The following NBEAL1 variants were observed in gnomAD, a reference collection of about 807,000 sequenced individuals.
NBEAL1 encodes neurobeachin-like protein 1.
In NBEAL1, 273 loss-of-function variants were observed where a neutral mutation model predicts 351.3. The ratio of observed to expected loss-of-function variants is 0.78; its 90% CI spans 0.70 to 0.86. The LOEUF (loss-of-function observed/expected upper bound fraction) is 0.86. Among genes scored for constraint, NBEAL1 ranks in the 40% least tolerant of loss-of-function variants. The pLI is 0.00. For missense variants in NBEAL1, 2,961 were observed against 3,201.3 expected, an observed-to-expected ratio of 0.92 and a Z score of 1.81; for synonymous variants, 1,050 against 1,086.4, an observed-to-expected ratio of 0.97 and a Z score of 0.66.
intron 2 of NBEAL1, chr2:203,040,892 T>C (rs1230590189): frequency 1.3e-5 from 5 of 389,920 alleles, no homozygotes; most frequent in Non-Finnish European, 2.4e-5. Flanking sequence ...ATCTGCCAGC[T>C]GAACAAGACC....
In NBEAL1 at chr2:203,193,809, A is replaced by G; in HGVS notation, c.6936A>G (p.Pro2312=). The change falls in exon 47 of 56, where the codon CCA becomes CCG. Residue 2312 remains proline (P), a synonymous_variant. Coordinates refer to ENST00000683969, the MANE Select transcript of NBEAL1 (RefSeq NM_001378026.1). ...TTATTTTGAAGGAACCACACCCTCC[A>G]AGATTATCAGCAGAAGAAGCAGTGC... The part of the protein sequence containing the change: ...PCQLLKEPHP[P]RLSAEEAVQK... The G allele has an allele frequency of 6.2e-7, 1 of 1,611,466 alleles. No individual in the cohort carries two copies. Among genetic ancestry groups the G allele is most frequent in the Non-Finnish European group, 8.5e-7 (1 of 1,178,590 alleles).
intron 44 of NBEAL1, among the ~76,000 whole-genome samples, chr2:203,184,795 T>C (rs79872980): frequency 6.6e-6 from 1 of 151,482 alleles, no homozygotes; most frequent in African/African-American, 2.4e-5. Context: ...GTGTGGGTGG[T>C]GTGTACCGGT....
At chr2:203,098,676 A>C (rs1383633804) in intron 11 of NBEAL1, among the ~76,000 whole-genome samples, 1 of 152,174 alleles carries the variant, frequency 6.6e-6, no homozygotes, top group Admixed American at 6.5e-5. Context: ...AATAGACAAA[A>C]TTAGGCTAGT....
chr2:203,135,582 A>T (rs369979907), intron 27 of NBEAL1, 95 bp from the exon 28 acceptor site: 156 of 759,660 alleles, frequency 2.1e-4, no homozygotes, highest in South Asian at 1.9e-3. Context: ...GTTTCTCATT[A>T]AATTACCTTA....
In NBEAL1 at chr2:203,062,195, G is replaced by A. The variant is rs1276733821; in HGVS notation, c.515+4742G>A. 4.4e-6 allele frequency: 2 copies of A among 451,858 alleles called. No homozygotes were observed. 28.0% of individuals were successfully genotyped at this position (451,858 alleles called of 1,614,324 possible). On this transcript the variant is annotated intron_variant, in intron 6 of 55. Coordinates refer to ENST00000683969, the MANE Select transcript of NBEAL1 (RefSeq NM_001378026.1). The surrounding 1 kb of genome is among the most constrained non-coding windows in gnomAD (Gnocchi z 4.2). ...TGACTATTTTGTTTACCTTCACACA[G>A]TCTCTCTACCATATGACTTACATTT...
chr2:203,098,052 T>G (rs2062222228), intron 11 of NBEAL1, among the ~76,000 whole-genome samples: 1 of 152,138 alleles, frequency 6.6e-6, no homozygotes, highest in Non-Finnish European at 1.5e-5. Flanking sequence ...TGATTATAAT[T>G]CAATGGACAA....
chr2:203,018,812 T>G (rs1389895177), intron 2 of NBEAL1, among the ~76,000 whole-genome samples: 4 of 152,246 alleles, frequency 2.6e-5, no homozygotes, highest in African/African-American at 9.6e-5. Flanking sequence ...CCCAGACAAT[T>G]TATGATCTTA....
At chr2:203,048,882 CTTT>C (rs71408913) in intron 3 of NBEAL1, among the ~76,000 whole-genome samples, 32 of 143,590 alleles carry the variant, frequency 2.2e-4, no homozygotes, top group South Asian at 1.6e-3. Flanking sequence ...TCTACATTTC[CTTT>C]TTTTTTTTTT....
chr2:203,215,020 G>T (rs1045233665), intron 55 of NBEAL1, among the ~76,000 whole-genome samples: 2 of 152,078 alleles, frequency 1.3e-5, no homozygotes, highest in Admixed American at 6.6e-5. Context: ...CTAGTACTTT[G>T]TATGAGGCTT....
At chr2:203,098,487 T>G (rs1192520946) in intron 11 of NBEAL1, among the ~76,000 whole-genome samples, 9 of 152,200 alleles carry the variant, frequency 5.9e-5, no homozygotes, top group Non-Finnish European at 1.2e-4. Context: ...TTATAGTCTC[T>G]TAGAGGTTCA....
At position 203,048,663 on chromosome 2, in the gene NBEAL1, A is replaced by G. The variant is rs549743970; in HGVS notation, c.144-1151A>G. Among the ~76,000 whole-genome samples the G allele has an allele frequency of 5.5e-3, 832 of 152,296 alleles. 4 individuals carry two copies. Among genetic ancestry groups the G allele is most frequent in the South Asian group, 0.039 (187 of 4,832 alleles). On this transcript the variant is annotated intron_variant, in intron 3 of 55. Coordinates refer to ENST00000683969, the MANE Select transcript of NBEAL1 (RefSeq NM_001378026.1). Reference sequence around the variant, plus strand: ...CTTCAAAGGTTAAATGATCAGCTCTATGTTACAGAGGTGAGATTTAGTACC... The same window carrying G: ...CTTCAAAGGTTAAATGATCAGCTCTGTGTTACAGAGGTGAGATTTAGTACC...
intron 6 of NBEAL1, among the ~76,000 whole-genome samples, chr2:203,057,847 G>GT (rs1180817056): frequency 2.0e-5 from 2 of 99,336 alleles, no homozygotes; most frequent in East Asian, 5.5e-4. Flanking sequence ...TTGTTTTTTT[G>GT]TCTTTTTGAG....
chr2:203,057,243 G>C, intron 5 of NBEAL1, 83 bp from the exon 6 acceptor site: 1 of 1,241,702 alleles, frequency 8.1e-7, no homozygotes. Context: ...CAAAGGGAAA[G>C]TTTGGCTTGT....
chr2:203,221,659 T>C lies in NBEAL1; in HGVS notation c.*4305T>C, dbSNP rs2065955451. On this transcript the variant is annotated 3_prime_UTR_variant, in exon 56 of 56. Coordinates refer to ENST00000683969, the MANE Select transcript of NBEAL1 (RefSeq NM_001378026.1). ...AATAAGTGAGCAATCTTAAACATTTTCATCACTCTTTAACAAAATCCATTC... is the reference window on the plus strand; with the variant it reads ...AATAAGTGAGCAATCTTAAACATTTCCATCACTCTTTAACAAAATCCATTC... 6.6e-6 allele frequency among the ~76,000 whole-genome samples: 1 copy of C among 152,226 alleles called. No homozygotes were observed. The highest frequency in any genetic ancestry group is 1.5e-5 in the Non-Finnish European group (1 of 68,044).
At chr2:203,148,310 A>G (rs960258168) in intron 33 of NBEAL1, among the ~76,000 whole-genome samples, 3 of 152,096 alleles carry the variant, frequency 2.0e-5, no homozygotes, top group African/African-American at 7.2e-5. Flanking sequence ...AAGTTAGATA[A>G]GAAAATTAGC....
At position 203,219,154 on chromosome 2, in the gene NBEAL1, A is replaced by G. The variant is rs1477416917; in HGVS notation, c.*1800A>G. On this transcript the variant is annotated 3_prime_UTR_variant, in exon 56 of 56. Coordinates refer to ENST00000683969, the MANE Select transcript of NBEAL1 (RefSeq NM_001378026.1). ...CCGTGGCTATCTTTTTTTTTATCTT[A>G]CAGTTTTTTAGGAGATTTCAAGTCG... 6.6e-6 allele frequency: 1 copy of G among 151,738 alleles called. No individual in the cohort carries two copies. The highest frequency in any genetic ancestry group is 2.4e-5 in the African/African-American group (1 of 41,272). 9.4% of individuals were successfully genotyped at this position (151,738 alleles called of 1,614,324 possible).
At chr2:203,076,645 G>A (rs540947297) in intron 7 of NBEAL1, among the ~76,000 whole-genome samples, 20 of 126,266 alleles carry the variant, frequency 1.6e-4, no homozygotes, top group African/African-American at 6.0e-4. Context: ...AGGCTGGAAT[G>A]CAGTGGCACG....
At chr2:203,048,210 C>T (rs1005454811) in intron 3 of NBEAL1, among the ~76,000 whole-genome samples, 4 of 151,644 alleles carry the variant, frequency 2.6e-5, no homozygotes, top group East Asian at 3.9e-4. Context: ...GGTGAAACCC[C>T]GTCTCTACGA....
At position 203,148,886 on chromosome 2, in the gene NBEAL1, T is replaced by C. The variant is rs532477082; in HGVS notation, c.5305-105T>C. 1.3e-5 allele frequency: 13 copies of C among 986,186 alleles called. No individual in the cohort carries two copies. In the East Asian group the frequency reaches 2.2e-4, roughly 17 times the overall value. 61.1% of individuals were successfully genotyped at this position (986,186 alleles called of 1,614,324 possible). On this transcript the variant is annotated intron_variant, in intron 33 of 55. Transcript: ENST00000683969. ...TATTGGTTACTTAGCTTCTTTCTCA[T>C]AATGCAAGATTTTATTGGTCAAAAA...
Sources: allele counts gnomAD v4.1 joint callset (sites outside exome capture counted in the v4.1 genomes callset), GRCh38; gene constraint gnomAD v4.1.1; non-coding constraint Gnocchi (gnomAD v3.1); transcripts MANE v1.5; gene names NCBI Gene and HGNC (gene_info 2026-07-23, HGNC 2026-07-21).